Variants in GALC observed in about 807,000 individuals in gnomAD.
GALC encodes galactosylceramidase.
A neutral mutation model predicts 91.8 loss-of-function variants in GALC; 77 were observed. That is an observed-to-expected ratio of 0.84 (90% CI 0.70 to 1.01). The LOEUF is 1.01. Among genes scored for constraint, GALC ranks in the 50% least tolerant of loss-of-function variants. The probability of loss-of-function intolerance (pLI) is 0.00; values close to 1 mark genes in which losing one functional copy is unlikely to be tolerated. For synonymous variants in GALC, 357 were observed against 306.7 expected, an observed-to-expected ratio of 1.16 and a Z score of -1.71; for missense variants, 882 against 855.9, an observed-to-expected ratio of 1.03 and a Z score of -0.38.
At chr14:87,946,049 T>TA (rs1885058902) in intron 13 of GALC, among the ~76,000 whole-genome samples, 1 of 152,062 alleles carries the variant, frequency 6.6e-6, no homozygotes, top group Admixed American at 6.6e-5. Flanking sequence ...CTGGACAAGC[T>TA]ATTTAACTGC....
chr14:87,989,420 G>T (rs1334563708), intron 1 of GALC, among the ~76,000 whole-genome samples: 1 of 151,908 alleles, frequency 6.6e-6, no homozygotes, highest in African/African-American at 2.4e-5. Context: ...CCCTACCAGT[G>T]AGGCAAACAC....
intron 7 of GALC, among the ~76,000 whole-genome samples, chr14:87,970,597 T>G (rs1886245341): frequency 6.6e-6 from 1 of 151,894 alleles, no homozygotes; most frequent in Admixed American, 6.6e-5. Context: ...GTAAAGGCTC[T>G]TTAAGAATAT....
Position 87,934,010 on chromosome 14 carries a change from G to A in GALC, c.*722C>T, listed in dbSNP as rs1030272530. 16 of 1,534,272 alleles carry A rather than the reference G, an allele frequency of 1.0e-5. No individual in the cohort carries two copies. The highest frequency in any genetic ancestry group is 8.2e-5 in the African/African-American group (6 of 72,922). On this transcript the variant is annotated 3_prime_UTR_variant, in exon 17 of 17. Transcript: ENST00000261304. ...CCTTCTTCCAGCCACCTGGAAAAAC[G>A]TTCACAGAGAGTTATAGTGGTTACA... is the stretch of plus-strand genomic sequence containing the variant.
At chr14:87,978,395 C>T (rs375114943) in intron 6 of GALC, among the ~76,000 whole-genome samples, 2 of 152,272 alleles carry the variant, frequency 1.3e-5, no homozygotes, top group South Asian at 4.1e-4. Flanking sequence ...GTCAAATTTG[C>T]ATTTTTCACT....
intron 10 of GALC, chr14:87,963,151 C>A (rs1885880769): frequency 6.3e-6 from 3 of 477,020 alleles, no homozygotes; most frequent in Non-Finnish European, 7.6e-6. Context: ...TTTATCCCAA[C>A]TGCCAGGAAC....
Position 87,963,424 on chromosome 14 carries a change from G to T in GALC, c.1121C>A (p.Thr374Asn), listed in dbSNP as rs368860236. Residue 374 changes from threonine (T) to asparagine (N), a missense_variant, in exon 10 of 17, where the codon ACT becomes AAT. Thr to Asn is a moderately conservative substitution (Grantham distance 65). Transcript: ENST00000261304. ...LEKGGSYVAL[T>N]DGLGNLTIII... is the part of the protein sequence containing the mutation. ...GATGGTGAGGTTCCCTAAGCCATCA[G>T]TCAGAGCTACGTAGCTTCCTCCTTT... 2 of 1,613,380 alleles carry T rather than the reference G, an allele frequency of 1.2e-6. No individual in the cohort carries two copies. The highest frequency in any genetic ancestry group is 2.7e-5 in the African/African-American group (2 of 74,880).
chr14:87,978,417 TA>T (rs1886597760), intron 6 of GALC, among the ~76,000 whole-genome samples: 1 of 152,230 alleles, frequency 6.6e-6, no homozygotes, highest in African/African-American at 2.4e-5. Context: ...CGGATGGATC[TA>T]GTCTTTCTAG....
intron 7 of GALC, among the ~76,000 whole-genome samples, chr14:87,972,564 C>T (rs1194209595): frequency 6.6e-6 from 1 of 151,664 alleles, no homozygotes; most frequent in Non-Finnish European, 1.5e-5. Flanking sequence ...GTATGCTGTA[C>T]TTCAATTAAA....
chr14:87,953,916 G>A, intron 10 of GALC: 1 of 1,610,244 alleles, frequency 6.2e-7, no homozygotes, highest in East Asian at 2.2e-5. Context: ...AACAGTTACA[G>A]TAATTGATCA....
At chr14:87,962,504 A>G (rs963684479) in intron 10 of GALC, among the ~76,000 whole-genome samples, 1 of 151,862 alleles carries the variant, frequency 6.6e-6, no homozygotes, top group Non-Finnish European at 1.5e-5. Flanking sequence ...AGGATATTTG[A>G]AAGAATTTGT....
At chr14:87,954,184 C>G (rs1885423465) in intron 10 of GALC, 1 of 1,585,260 alleles carries the variant, frequency 6.3e-7, no homozygotes, top group African/African-American at 1.3e-5. Context: ...TCAAAACATT[C>G]CTACCTCAGA....
Position 87,934,875 on chromosome 14 carries a change from G to T in GALC, c.1915C>A (p.His639Asn). 12 of 1,603,608 alleles carry T rather than the reference G, an allele frequency of 7.5e-6. No homozygotes were observed. The highest frequency in any genetic ancestry group is 1.7e-5 in the Admixed American group (1 of 59,818). Residue 639 changes from histidine to asparagine, a missense_variant, in exon 17 of 17, where the codon CAT becomes AAT. His to Asn is a moderately conservative substitution (Grantham distance 68). Coordinates refer to ENST00000261304, the MANE Select transcript of GALC (RefSeq NM_000153.4). ...TCATTCAGCATGCCAGAGGTGAAAT[G>T]ACCCTAGAGTAGAAAGAAACACATT... The part of the protein sequence containing the change: ...WYTLTLTIKG[H>N]FTSGMLNDKS...
Position 87,968,425 on chromosome 14 carries a change from G to T in GALC, c.818C>A (p.Ser273Tyr). ...AKLTGKKLWS[S>Y]EDFSTLNSDM... ...ACTATTTAAAGTGCTAAAGTCTTCA[G>T]AAGACCAAAGCTTCTTCCCAGTCAA... Residue 273 changes from serine (S) to tyrosine (Y), a missense_variant, in exon 8 of 17, where the codon TCT becomes TAT. Physicochemically the swap from Ser to Tyr is moderately radical, Grantham distance 144. Coordinates refer to ENST00000261304, the MANE Select transcript of GALC (RefSeq NM_000153.4). 6.2e-7 allele frequency: 1 copy of T among 1,613,822 alleles called. No homozygotes were observed. The highest frequency in any genetic ancestry group is 8.5e-7 in the Non-Finnish European group (1 of 1,179,848).
rs781139010 is a variant in GALC, at chr14:87,933,334, G to A, written c.*1398C>T. The A allele has an allele frequency of 6.6e-6, 1 of 152,536 alleles. No individual in the cohort carries two copies. Among genetic ancestry groups the A allele is most frequent in the Admixed American group, 6.6e-5 (1 of 15,252 alleles). 9.4% of individuals were successfully genotyped at this position (152,536 alleles called of 1,614,324 possible). Reference sequence around the variant, plus strand: ...TACAAGAGAACCTTCTGGGGTGATGGAAATATTCTGAAGCTTGACTGGAGT... The same window carrying A: ...TACAAGAGAACCTTCTGGGGTGATGAAAATATTCTGAAGCTTGACTGGAGT... On this transcript the variant is annotated 3_prime_UTR_variant, in exon 17 of 17. Coordinates refer to ENST00000261304, the MANE Select transcript of GALC (RefSeq NM_000153.4).
intron 10 of GALC, chr14:87,953,074 AGT>A: frequency 6.7e-7 from 1 of 1,492,066 alleles, no homozygotes; most frequent in African/African-American, 1.4e-5. Flanking sequence ...GTACAAAGAG[AGT>A]GTGTGCCAAC....
chr14:87,972,934 G>A (rs1446247660), intron 7 of GALC, among the ~76,000 whole-genome samples: 1 of 151,980 alleles, frequency 6.6e-6, no homozygotes, highest in Non-Finnish European at 1.5e-5. Flanking sequence ...GACATTAAGA[G>A]AGCATATACT....
chr14:87,988,288 T>A (rs1257357905), intron 2 of GALC, 81 bp from the exon 3 acceptor site: 2 of 1,394,962 alleles, frequency 1.4e-6, no homozygotes, highest in East Asian at 4.6e-5. Context: ...GCCTTAGGTT[T>A]TACAGACGCA....
chr14:87,991,027 T>G (rs1431962363), intron 1 of GALC, among the ~76,000 whole-genome samples: 2 of 152,162 alleles, frequency 1.3e-5, no homozygotes, highest in African/African-American at 4.8e-5. Context: ...ACGGCGCTCC[T>G]ACCATGCAGG....
At position 87,993,076 on chromosome 14, in the gene GALC, G is replaced by A. The variant is rs935806837; in HGVS notation, c.89C>T (p.Pro30Leu). The A allele has an allele frequency of 3.2e-6, 5 of 1,579,674 alleles. No homozygotes were observed. The highest frequency in any genetic ancestry group is 2.3e-5 in the East Asian group (1 of 43,484). ...AAGSAGRAAV[P>L]LLLCALLAPG... Reference sequence around the variant, plus strand: ...CGCCAGCAGCGCACACAGCAGCAAGGGCACCGCGGCGCGGCCCGCCGAACC... The same window carrying A: ...CGCCAGCAGCGCACACAGCAGCAAGAGCACCGCGGCGCGGCCCGCCGAACC... Residue 30 changes from proline to leucine, a missense_variant, in exon 1 of 17, where the codon CCC (proline) becomes CTC (leucine). Physicochemically the swap from Pro to Leu is moderately conservative, Grantham distance 98. Transcript: ENST00000261304.
Sources: allele counts gnomAD v4.1 joint callset (sites outside exome capture counted in the v4.1 genomes callset), GRCh38; gene constraint gnomAD v4.1.1; transcripts MANE v1.5; gene names NCBI Gene and HGNC (gene_info 2026-07-23, HGNC 2026-07-21).